Variants in CNTNAP2 observed in about 807,000 individuals in gnomAD.
The protein encoded by CNTNAP2 is contactin associated protein 2.
CNTNAP2 carries 98 observed loss-of-function variants against 155.2 expected under a neutral mutation model. The observed-to-expected ratio is 0.63, with a 90% CI of 0.54 to 0.75. The LOEUF (loss-of-function observed/expected upper bound fraction) is 0.75. Among genes scored for constraint, CNTNAP2 ranks in the 30% least tolerant of loss-of-function variants. CNTNAP2 has a pLI of 0.00. For missense variants in CNTNAP2, 1,727 were observed against 1,688.1 expected (o/e 1.02, Z -0.40); for synonymous variants, 651 against 631.2 (o/e 1.03, Z -0.47).
intron 21 of CNTNAP2, among the ~76,000 whole-genome samples, chr7:148,281,226 A>G (rs1334825562): frequency 2.6e-5 from 4 of 152,270 alleles, no homozygotes; most frequent in African/African-American, 9.6e-5. Flanking sequence ...AATGATTAAT[A>G]TAATACATTT....
intron 1 of CNTNAP2, among the ~76,000 whole-genome samples, chr7:146,234,448 C>T (rs563038209): frequency 2.0e-5 from 3 of 152,008 alleles, no homozygotes; most frequent in African/African-American, 7.2e-5. Flanking sequence ...TTTTGCTGTG[C>T]AGAAGCTTTT....
intron 21 of CNTNAP2, among the ~76,000 whole-genome samples, chr7:148,351,824 A>G (rs1389155113): frequency 6.6e-6 from 1 of 151,502 alleles, no homozygotes; most frequent in Admixed American, 6.6e-5. Context: ...ACTTAATAGC[A>G]TGGGTGGACA....
intron 1 of CNTNAP2, among the ~76,000 whole-genome samples, chr7:146,705,796 T>G (rs891388115): frequency 6.6e-6 from 1 of 152,044 alleles, no homozygotes; most frequent in African/African-American, 2.4e-5. Context: ...CCCTAATGAT[T>G]CAATTATCTC....
intron 1 of CNTNAP2, among the ~76,000 whole-genome samples, chr7:146,493,065 G>A (rs956846605): frequency 6.6e-6 from 1 of 152,066 alleles, no homozygotes; most frequent in African/African-American, 2.4e-5. Context: ...ATAACCCTTG[G>A]AAATAAAGTA....
chr7:147,564,610 TAGAAA>T (rs1330692840), intron 12 of CNTNAP2, among the ~76,000 whole-genome samples: 2 of 152,130 alleles, frequency 1.3e-5, no homozygotes, highest in African/African-American at 4.8e-5. Context: ...CAAAGGAAAT[TAGAAA>T]AGAAAACAAA....
intron 11 of CNTNAP2, among the ~76,000 whole-genome samples, chr7:147,537,740 A>G (rs1451400566): frequency 2.0e-5 from 3 of 152,196 alleles, no homozygotes; most frequent in Non-Finnish European, 4.4e-5. Flanking sequence ...ATCTTTTATC[A>G]TATGCCTTCA....
chr7:147,097,871 G>C (rs554476173), intron 4 of CNTNAP2, among the ~76,000 whole-genome samples: 9 of 152,178 alleles, frequency 5.9e-5, no homozygotes, highest in Admixed American at 1.3e-4. Flanking sequence ...TCAGGGTACT[G>C]TCAATTTCAT....
chr7:147,603,075 T>G (rs1342622175), intron 12 of CNTNAP2, among the ~76,000 whole-genome samples: 3 of 151,794 alleles, frequency 2.0e-5, no homozygotes, highest in Non-Finnish European at 4.4e-5. Context: ...ACTTCCACAA[T>G]GGTTGAACTA....
At chr7:147,696,038 A>G (rs193244378) in intron 13 of CNTNAP2, among the ~76,000 whole-genome samples, 1 of 152,094 alleles carries the variant, frequency 6.6e-6, no homozygotes, top group East Asian at 1.9e-4. Flanking sequence ...ATGTTTCTCT[A>G]TCCATTTATT....
chr7:147,548,744 T>C (rs1584805890), intron 11 of CNTNAP2, among the ~76,000 whole-genome samples: 1 of 152,180 alleles, frequency 6.6e-6, no homozygotes, highest in African/African-American at 2.4e-5. Flanking sequence ...TTTTGGGTTT[T>C]AAATTTAAGT....
At chr7:146,117,336 GCAAAAC>G (rs1397908871) in intron 1 of CNTNAP2, 15 of 210,264 alleles carry the variant, frequency 7.1e-5, no homozygotes, top group Admixed American at 3.2e-4. Context: ...GAAGACCATG[GCAAAAC>G]CAAGTTTCTT....
chr7:147,230,627 A>G (rs549538146), intron 8 of CNTNAP2, among the ~76,000 whole-genome samples: 14 of 152,308 alleles, frequency 9.2e-5, no homozygotes, highest in African/African-American at 3.1e-4. Context: ...AATTATCACA[A>G]TCAAAGTAAT....
intron 13 of CNTNAP2, among the ~76,000 whole-genome samples, chr7:147,802,039 G>A (rs1398727837): frequency 2.0e-5 from 3 of 151,104 alleles, no homozygotes; most frequent in African/African-American, 7.3e-5. Context: ...GCCGGGCGGA[G>A]GGGCTCCTCA....
At chr7:146,779,686 C>T (rs1485550726) in intron 2 of CNTNAP2, among the ~76,000 whole-genome samples, 2 of 152,152 alleles carry the variant, frequency 1.3e-5, no homozygotes, top group African/African-American at 4.8e-5. Flanking sequence ...TGTTTGTTGC[C>T]TCCTCAAAGA....
intron 10 of CNTNAP2, among the ~76,000 whole-genome samples, chr7:147,457,422 G>A (rs1309095864): frequency 1.3e-5 from 2 of 152,088 alleles, no homozygotes; most frequent in Non-Finnish European, 1.5e-5. Context: ...TTGGTCAAAT[G>A]CCACATCACC....
intron 1 of CNTNAP2, among the ~76,000 whole-genome samples, chr7:146,300,293 A>C (rs1220559053): frequency 6.6e-6 from 1 of 152,224 alleles, no homozygotes; most frequent in Non-Finnish European, 1.5e-5. Flanking sequence ...TCCTTAACTT[A>C]GTATAAAAAG....
chr7:148,408,994 C>G (rs1194956923), intron 22 of CNTNAP2, among the ~76,000 whole-genome samples: 1 of 152,156 alleles, frequency 6.6e-6, no homozygotes, highest in Non-Finnish European at 1.5e-5. Context: ...CTGTAAAAAG[C>G]TCATCTACAA....
chr7:148,017,258 G>A (rs1470836321), intron 15 of CNTNAP2, among the ~76,000 whole-genome samples: 1 of 152,140 alleles, frequency 6.6e-6, no homozygotes. Context: ...TTACTAAAAT[G>A]TAGCTTCTTT....
At chr7:147,423,243 T>C (rs1239058602) in intron 10 of CNTNAP2, among the ~76,000 whole-genome samples, 1 of 152,106 alleles carries the variant, frequency 6.6e-6, no homozygotes, top group Non-Finnish European at 1.5e-5. Flanking sequence ...ATACCTGTAG[T>C]TGTTATGAAA....
Sources: gnomAD v4.1 joint callset for allele counts (sites outside exome capture counted in the v4.1 genomes callset) on GRCh38, gnomAD v4.1.1 for gene constraint, MANE v1.5 for transcripts, NCBI Gene and HGNC (gene_info 2026-07-23, HGNC 2026-07-21) for gene names.